PDE4C: variants seen among roughly 807,000 people sequenced by gnomAD.
PDE4C encodes phosphodiesterase 4C, also known as 3',5'-cyclic-AMP phosphodiesterase 4C.
PDE4C carries 50 observed loss-of-function variants against 63.9 expected under a neutral mutation model. That is an observed-to-expected ratio of 0.78 (90% CI 0.62 to 0.99). The LOEUF (loss-of-function observed/expected upper bound fraction) is 0.99, where lower values mean the gene tolerates loss of function less well. Among genes scored for constraint, PDE4C ranks in the 50% least tolerant of loss-of-function variants. The pLI, the probability that PDE4C is intolerant of heterozygous loss-of-function variation, is 0.00. For missense variants in PDE4C, 777 were observed against 899.1 expected (o/e 0.86, Z 1.74); for synonymous variants, 377 against 385.1 (o/e 0.98, Z 0.25).
chr19:18,247,382 G>A (rs932738833), intron 1 of PDE4C, among the ~76,000 whole-genome samples: 6 of 152,002 alleles, frequency 3.9e-5, no homozygotes, highest in East Asian at 1.9e-4. Flanking sequence ...TGCAACCTCC[G>A]CCTCCCAGGT....
rs766713319 is a variant in PDE4C at position 18,220,368 on chromosome 19, G to A, written c.612+35C>T. The A allele has an allele frequency of 5.0e-6, 8 of 1,611,700 alleles. No homozygotes were observed. The highest frequency in any genetic ancestry group is 4.0e-5 in the African/African-American group (3 of 74,860). On this transcript the variant is annotated intron_variant, in intron 6 of 14. Transcript: ENST00000262805. This position sits in a 1 kb window ranked among gnomAD's most constrained non-coding sequence, Gnocchi z 5.1. ...CCGTGATGATGGGGCACCGTGGGCC[G>A]AGGCAGGTGAGCTCAGCGATCTGCC...
chr19:18,238,828 T>A (rs1255172763), intron 1 of PDE4C, among the ~76,000 whole-genome samples: 2 of 151,698 alleles, frequency 1.3e-5, no homozygotes. Context: ...CCATCTCTAC[T>A]AAAAATACGA....
chr19:18,222,416 G>A (rs1300651666), intron 1 of PDE4C, 93 bp from the exon 2 acceptor site: 20 of 1,168,630 alleles, frequency 1.7e-5, no homozygotes, highest in Non-Finnish European at 2.3e-5. Context: ...CCCTGGGGCT[G>A]CTTGGCAGTC....
chr19:18,235,262 C>T (rs374798176), upstream of PDE4C, among the ~76,000 whole-genome samples: 277 of 152,266 alleles, frequency 1.8e-3, no homozygotes, highest in African/African-American at 6.0e-3. Context: ...CCTCTGCCTC[C>T]CAGGTTCAAG....
At chr19:18,222,622 TTC>T (rs1216063179) in intron 1 of PDE4C, among the ~76,000 whole-genome samples, 4 of 142,532 alleles carry the variant, frequency 2.8e-5, no homozygotes, top group Non-Finnish European at 4.6e-5. Flanking sequence ...TTTATTTTTT[TTC>T]TCTCTTTCTT....
Position 18,220,903 on chromosome 19 carries a change from G to T in PDE4C, c.470C>A (p.Pro157His), listed in dbSNP as rs751215605. ...AGGAGGGAGCTGATTGCTGGATGAA[G>T]GGTTTCCGACGGGTCCCTGCCTGCG... Residue 157 changes from proline to histidine, a missense_variant, in exon 5 of 15, where the codon CCT becomes CAT. Coordinates refer to ENST00000262805, the Ensembl canonical transcript of PDE4C. The surrounding 1 kb of genome is among the most constrained non-coding windows in gnomAD (Gnocchi z 5.1). The T allele has an allele frequency of 1.2e-6, 2 of 1,607,870 alleles. No homozygotes were observed. The highest frequency in any genetic ancestry group is 1.1e-5 in the South Asian group (1 of 89,140).
downstream of PDE4C, chr19:18,210,028 CTTTTT>C (rs1205637460): frequency 6.6e-6 from 1 of 150,786 alleles, no homozygotes; most frequent in Non-Finnish European, 1.5e-5. Context: ...CTTCTCTTTT[CTTTTT>C]ATTTTTAGAC....
chr19:18,216,261 C>CTT (rs559961551), intron 12 of PDE4C, among the ~76,000 whole-genome samples: 3 of 135,916 alleles, frequency 2.2e-5, no homozygotes, highest in Non-Finnish European at 1.6e-5. Context: ...TCACTAGCCC[C>CTT]TTTTTTTTTT....
chr19:18,216,736 C>T lies in PDE4C; in HGVS notation c.1389+5G>A, dbSNP rs1968211321. On this transcript the variant is annotated splice_donor_5th_base_variant and intron_variant, in intron 12 of 14. Coordinates refer to ENST00000262805, the Ensembl canonical transcript of PDE4C. ...CTCCCGCCCCGCTTACTGCCCTGGC[C>T]TCACCATGTCAATGACCATCCTGCG... The T allele has an allele frequency of 3.1e-6, 5 of 1,601,514 alleles. No individual in the cohort carries two copies. The highest frequency in any genetic ancestry group is 4.3e-6 in the Non-Finnish European group (5 of 1,172,170).
exon 4 of PDE4C, chr19:18,221,130 G>A (rs772172919): frequency 5.7e-6 from 9 of 1,590,884 alleles, no homozygotes; most frequent in Admixed American, 3.7e-5. Flanking sequence ...CATTGCTGGC[G>A]GGCAAGGGCC....
chr19:18,226,300 T>G, exon 1 of PDE4C: 1 of 1,569,528 alleles, frequency 6.4e-7, no homozygotes, highest in Non-Finnish European at 8.6e-7. Flanking sequence ...GAAGCGCCGC[T>G]GCAGGCGGAT....
upstream of PDE4C, chr19:18,250,234 T>A (rs561288238): frequency 5.0e-6 from 2 of 398,848 alleles, no homozygotes; most frequent in Non-Finnish European, 8.8e-6. Context: ...GCAGCCCAGG[T>A]TGGCCCTGCT....
chr19:18,222,033 A>C lies in PDE4C; in HGVS notation c.338+99T>G. 2.8e-6 allele frequency: 3 copies of C among 1,072,402 alleles called. No homozygotes were observed. The South Asian group carries it at 4.9e-5, about 17-fold the overall frequency. The allele number at this position is 1,072,402 out of a possible 1,614,324, so 66.4% of individuals were successfully genotyped here. On this transcript the variant is annotated intron_variant, in intron 2 of 14. Coordinates refer to ENST00000262805, the Ensembl canonical transcript of PDE4C. ...TGGCAAACTCCTACTTAAACTTCAA[A>C]ACCTTCCTTAAATGGCTATTTGAAG...
chr19:18,251,761 A>G (rs1037863990), upstream of PDE4C, among the ~76,000 whole-genome samples: 1 of 124,424 alleles, frequency 8.0e-6, no homozygotes, highest in African/African-American at 2.8e-5. Context: ...CCATTTTTAG[A>G]TTTTTTTGTA....
rs763010998 is a variant in PDE4C at position 18,219,221 on chromosome 19, G to A, written c.870+13C>T. ...ACCAAACCTTGATCTTGGCATTGTG[G>A]TTGGGGACCCACCTTGGCCAGTTGC... On this transcript the variant is annotated intron_variant, in intron 8 of 14. Transcript: ENST00000262805. The A allele has an allele frequency of 2.5e-6, 4 of 1,613,996 alleles. No homozygotes were observed. Among genetic ancestry groups the A allele is most frequent in the African/African-American group, 2.7e-5 (2 of 74,940 alleles).
At chr19:18,249,415 C>T (rs538898473), upstream of PDE4C, among the ~76,000 whole-genome samples, 38 of 152,196 alleles carry the variant, frequency 2.5e-4, no homozygotes, top group African/African-American at 7.2e-4. Context: ...GCTGGGATTA[C>T]AGGCACACAC....
At chr19:18,221,156 A>C in exon 4 of PDE4C, 1 of 1,583,994 alleles carries the variant, frequency 6.3e-7, no homozygotes, top group Non-Finnish European at 8.5e-7. Context: ...GTTGCTCCGA[A>C]CGGTCCGCAG....
At chr19:18,245,537 C>T (rs10424135) in intron 1 of PDE4C, among the ~76,000 whole-genome samples, 15,973 of 152,204 alleles carry the variant, frequency 0.1, 1,092 homozygotes, top group East Asian at 0.37. Context: ...ACCCTTCCCC[C>T]GGCTGTTAAA....
rs1459459120 is a variant in PDE4C, at chr19:18,221,139, C to A, written c.415G>T (p.Ala139Ser). The change falls in exon 4 of 15, where the codon GCC becomes TCC. Residue 139 changes from alanine (A) to serine (S), a missense_variant. Ala to Ser is a moderately conservative substitution (Grantham distance 99). Around this residue, in one of 3 missense-constraint regions of PDE4C, gnomAD observed 249 missense variants for 247.8 expected, o/e 1.00. Transcript: ENST00000262805. The stretch of plus-strand genomic sequence containing the variant: ...CCTAGGCATTGCTGGCGGGCAAGGG[C>A]CGCCACGTTGCTCCGAACGGTCCGC... 3.2e-6 allele frequency: 5 copies of A among 1,545,728 alleles called. No homozygotes were observed. In the South Asian group the frequency reaches 5.7e-5, roughly 18 times the overall value.
Sources: allele counts gnomAD v4.1 joint callset (sites outside exome capture counted in the v4.1 genomes callset), GRCh38; gene constraint gnomAD v4.1.1; regional missense constraint gnomAD v4.1.1; non-coding constraint Gnocchi (gnomAD v3.1); transcripts MANE v1.5; gene names NCBI Gene and HGNC (gene_info 2026-07-23, HGNC 2026-07-21).